Variants in DOCK10 observed in about 807,000 individuals in gnomAD.
DOCK10 encodes the protein dedicator of cytokinesis 10.
A neutral mutation model predicts 280.1 loss-of-function variants in DOCK10; 145 were observed. That is an observed-to-expected ratio of 0.52 (90% confidence interval 0.45 to 0.59). The LOEUF is 0.59. Ranked by LOEUF, DOCK10 falls within the 20% of genes least tolerant of loss-of-function variation. The pLI, the probability that DOCK10 is intolerant of heterozygous loss-of-function variation, is 0.00. For synonymous variants in DOCK10, 915 were observed against 942.2 expected (o/e 0.97, Z 0.53); for missense variants, 2,368 against 2,651.7 (o/e 0.89, Z 2.35).
In DOCK10 at chr2:224,874,329, A is replaced by G. The variant is rs775819801; in HGVS notation, c.1038T>C (p.Asp346=). 1 of 1,612,588 alleles carries G rather than the reference A, an allele frequency of 6.2e-7. No individual in the cohort carries two copies. Among genetic ancestry groups the G allele is most frequent in the East Asian group, 2.2e-5 (1 of 44,874 alleles). ...CCATGTTTCGAGTTGTTTTTACAGT[A>G]TCTTCTGTTTCTGTGAGGTACTACA... The part of the protein sequence containing the change: ...DFAKYLTETE[D]TVKTTRNMER... Residue 346 remains aspartate, a synonymous_variant, in exon 10 of 56, where the codon GAT becomes GAC. Coordinates refer to ENST00000258390, the MANE Select transcript of DOCK10 (RefSeq NM_014689.3).
Position 224,797,882 on chromosome 2 carries a change from C to A in DOCK10, c.4594G>T (p.Ala1532Ser). The change falls in exon 42 of 56, where the codon GCC (alanine) becomes TCC (serine). Residue 1532 changes from alanine to serine, a missense_variant. By Grantham distance (99) the Ala-to-Ser change is moderately conservative (BLOSUM62 1). Around this residue, in one of 2 missense-constraint regions of DOCK10, gnomAD observed 1,159 missense variants for 1,400.8 expected, o/e 0.83. Transcript: ENST00000258390. ...YMLFFQVNQS[A>S]TALKHVFASL... ...GCAAACACATGCTTCAGCGCTGTGG[C>A]TGACTGATTGACTTGGAAAAAGAGC... The A allele has an allele frequency of 6.2e-7, 1 of 1,613,902 alleles. No individual in the cohort carries two copies. The highest frequency in any genetic ancestry group is 8.5e-7 in the Non-Finnish European group (1 of 1,179,808).
intron 1 of DOCK10, among the ~76,000 whole-genome samples, chr2:225,007,590 AACCTG>A: frequency 1.3e-5 from 2 of 152,352 alleles, no homozygotes; most frequent in South Asian, 4.1e-4. Flanking sequence ...AATATAAACC[AACCTG>A]ATGAGGAATC....
intron 1 of DOCK10, among the ~76,000 whole-genome samples, chr2:224,944,775 C>T (rs1490337921): frequency 6.6e-6 from 1 of 152,204 alleles, no homozygotes; most frequent in Non-Finnish European, 1.5e-5. Context: ...ATACAAGAGA[C>T]AACCTGTGAA....
In DOCK10 at chr2:224,967,229, A is replaced by G. The variant is rs541799084; in HGVS notation, c.124-35561T>C. ...CGAGTAGTTGGGACTACAGGGGCCC[A>G]CCACCATGTCCGGCTAATTTTTCTG... On this transcript the variant is annotated intron_variant, in intron 1 of 55. Transcript: ENST00000258390. 1.0e-3 allele frequency among the ~76,000 whole-genome samples: 158 copies of G among 152,154 alleles called. 3 individuals carry two copies. The highest frequency in any genetic ancestry group is 3.4e-3 in the Middle Eastern group (1 of 292).
chr2:225,006,607 T>C (rs1303698396), intron 1 of DOCK10, among the ~76,000 whole-genome samples: 1 of 152,254 alleles, frequency 6.6e-6, no homozygotes, highest in Non-Finnish European at 1.5e-5. Context: ...TAAGCCGTTC[T>C]AGTCCTCCTA....
intron 3 of DOCK10, among the ~76,000 whole-genome samples, chr2:224,913,818 C>T (rs1300377233): frequency 6.6e-6 from 1 of 152,188 alleles, no homozygotes; most frequent in African/African-American, 2.4e-5. Context: ...AGCTCCGCCT[C>T]CCAGGTTCAC....
In DOCK10 at chr2:224,765,780, T is replaced by G; in HGVS notation, c.6502A>C (p.Ile2168Leu). ...RGVDQTCTRV[I>L]SKATPALPTV... The stretch of plus-strand genomic sequence containing the variant: ...GGTAGGGCCGGAGTTGCTTTGCTAA[T>G]TACTCGAGTGCAGGTTTGGTCCACT... The change falls in exon 56 of 56, where the codon ATT (isoleucine) becomes CTT (leucine). Residue 2168 changes from isoleucine to leucine, a missense_variant. By Grantham distance (5) the Ile-to-Leu change is conservative (BLOSUM62 2). This residue lies in a region of DOCK10 where 1,159 missense variants were observed against 1,400.8 expected (regional missense o/e 0.83). Transcript: ENST00000258390. 1 of 1,613,938 alleles carries G rather than the reference T, an allele frequency of 6.2e-7. No homozygotes were observed. Among genetic ancestry groups the G allele is most frequent in the Non-Finnish European group, 8.5e-7 (1 of 1,179,878 alleles).
intron 39 of DOCK10, among the ~76,000 whole-genome samples, chr2:224,803,068 T>A (rs1477330800): frequency 6.6e-6 from 1 of 152,012 alleles, no homozygotes. Flanking sequence ...AGGTTTTGAG[T>A]GTAGTACAGT....
rs147280464 is a variant in DOCK10, at chr2:224,929,827, C to T, written c.243+1722G>A. On this transcript the variant is annotated intron_variant, in intron 2 of 55. Coordinates refer to ENST00000258390, the MANE Select transcript of DOCK10 (RefSeq NM_014689.3). ...TTTGAGCTGGGAGGCCTTGAAGTAG[C>T]ATTTGACATATTTTTGAAGGACATA... Among the ~76,000 whole-genome samples the T allele has an allele frequency of 1.3e-4, 20 of 152,250 alleles. No individual in the cohort carries two copies. The East Asian group carries it at 1.9e-3, about 15-fold the overall frequency.
At position 224,996,210 on chromosome 2, in the gene DOCK10, T is replaced by C. The variant is rs552502049; in HGVS notation, c.123+46042A>G. 5.3e-5 allele frequency among the ~76,000 whole-genome samples: 8 copies of C among 152,336 alleles called. No individual in the cohort carries two copies. The South Asian group carries it at 1.7e-3, about 32-fold the overall frequency. On this transcript the variant is annotated intron_variant, in intron 1 of 55. Coordinates refer to ENST00000258390, the MANE Select transcript of DOCK10 (RefSeq NM_014689.3). Reference sequence around the variant, plus strand: ...AATCAGGCACAGTGGGGCCTGGTGATCACTAGGAGTCGGCTGGGGGTGCAA... The same window carrying C: ...AATCAGGCACAGTGGGGCCTGGTGACCACTAGGAGTCGGCTGGGGGTGCAA...
intron 22 of DOCK10, among the ~76,000 whole-genome samples, chr2:224,842,281 A>G (rs999839326): frequency 1.3e-5 from 2 of 152,228 alleles, no homozygotes; most frequent in African/African-American, 4.8e-5. Context: ...CACACATGAC[A>G]ATGCGTACTC....
chr2:224,928,219 G>A (rs1702141490), intron 2 of DOCK10, among the ~76,000 whole-genome samples: 2 of 152,190 alleles, frequency 1.3e-5, no homozygotes, highest in South Asian at 4.1e-4. Flanking sequence ...AACCAAAAAT[G>A]CATGCAGTTG....
At chr2:224,874,901 C>A in intron 8 of DOCK10, 150 bp from the exon 9 acceptor site, 3 of 663,660 alleles carry the variant, frequency 4.5e-6, no homozygotes, top group Non-Finnish European at 8.0e-6. Context: ...TCCTGAACTC[C>A]ACATTGTTGA....
In DOCK10 at chr2:224,874,105, A is replaced by T. The variant is rs1183118360; in HGVS notation, c.1148T>A (p.Ile383Asn). The T allele has an allele frequency of 1.2e-6, 2 of 1,610,140 alleles. No homozygotes were observed. The highest frequency in any genetic ancestry group is 1.7e-5 in the Admixed American group (1 of 59,532). Residue 383 changes from isoleucine to asparagine, a missense_variant, in exon 11 of 56, where the codon ATC becomes AAC. This residue lies in a region of DOCK10 where 1,209 missense variants were observed against 1,250.9 expected (regional missense o/e 0.97). Transcript: ENST00000258390. ...GGCAGCTTTTTCTTCAAATGGTTTG[A>T]TCACAGACTCAGGTTCCAAGAGATC... ...KKDLLEPESV[I>N]KPFEEKAAKR...
intron 3 of DOCK10, among the ~76,000 whole-genome samples, chr2:224,896,674 G>A (rs1575016266): frequency 2.0e-5 from 3 of 152,106 alleles, no homozygotes; most frequent in South Asian, 2.1e-4. Context: ...CCGAGATCAC[G>A]CCACTGCACT....
At chr2:224,988,438 A>G (rs1706032107) in intron 1 of DOCK10, among the ~76,000 whole-genome samples, 1 of 152,242 alleles carries the variant, frequency 6.6e-6, no homozygotes, top group Non-Finnish European at 1.5e-5. Flanking sequence ...TGCCAGGCAC[A>G]GTGCTAATGA....
chr2:224,834,115 T>G (rs1695437657), intron 26 of DOCK10, 35 bp downstream of exon 26: 1 of 1,241,292 alleles, frequency 8.1e-7, no homozygotes, highest in Admixed American at 1.7e-5. Context: ...CCATGCCTAG[T>G]ACTCACAGTT....
At chr2:224,803,469 T>TTTTAGCAA (rs1693150772) in intron 39 of DOCK10, among the ~76,000 whole-genome samples, 1 of 152,030 alleles carries the variant, frequency 6.6e-6, no homozygotes, top group South Asian at 2.1e-4. Context: ...GTGGAGATAA[T>TTTTAGCAA]TTTAGCAAAG....
intron 2 of DOCK10, among the ~76,000 whole-genome samples, chr2:224,921,157 C>G (rs1701720922): frequency 8.6e-6 from 1 of 116,790 alleles, no homozygotes; most frequent in South Asian, 2.9e-4. Context: ...CAAAAAATAG[C>G]CGGGCATGGT....
Sources: allele counts gnomAD v4.1 joint callset (sites outside exome capture counted in the v4.1 genomes callset), GRCh38; gene constraint gnomAD v4.1.1; regional missense constraint gnomAD v4.1.1; transcripts MANE v1.5; gene names NCBI Gene and HGNC (gene_info 2026-07-23, HGNC 2026-07-21).